Variants in GALC observed in about 807,000 individuals in gnomAD.
GALC encodes galactocerebrosidase.
Under a neutral mutation model 91.8 loss-of-function variants are expected in GALC, and 77 were observed. The observed-to-expected ratio is 0.84, with a 90% CI of 0.70 to 1.01. The LOEUF (loss-of-function observed/expected upper bound fraction) is 1.01, where lower values mean the gene tolerates loss of function less well. Among genes scored for constraint, GALC ranks in the 50% least tolerant of loss-of-function variants. GALC has a pLI of 0.00. For synonymous variants in GALC, 357 were observed against 306.7 expected (o/e 1.16, Z -1.71); for missense variants, 882 against 855.9 (o/e 1.03, Z -0.38).
chr14:87,948,317 A>T (rs1885159353), intron 12 of GALC, among the ~76,000 whole-genome samples: 1 of 152,186 alleles, frequency 6.6e-6, no homozygotes, highest in East Asian at 1.9e-4. Flanking sequence ...TACAATTAAG[A>T]GAGAAAAATC....
chr14:87,950,800 G>A, intron 10 of GALC, 52 bp from the exon 11 acceptor site: 1 of 1,282,338 alleles, frequency 7.8e-7, no homozygotes, highest in Non-Finnish European at 1.1e-6. Flanking sequence ...AGCTACCTTA[G>A]GGGAAAAAAA....
At position 87,935,432 on chromosome 14, in the gene GALC, T is replaced by C. The variant is rs563891649; in HGVS notation, c.1912-554A>G. Among the ~76,000 whole-genome samples the C allele has an allele frequency of 3.3e-5, 5 of 152,210 alleles. No individual in the cohort carries two copies. In the South Asian group the frequency reaches 1.0e-3, roughly 32 times the overall value. On this transcript the variant is annotated intron_variant, in intron 16 of 16. Coordinates refer to ENST00000261304, the MANE Select transcript of GALC (RefSeq NM_000153.4). Reference sequence around the variant, plus strand: ...TCACTTCAAAGCCATATGAAGCTCCTACCCTTAAGTTGGAAAAACAGTAAC... The same window carrying C: ...TCACTTCAAAGCCATATGAAGCTCCCACCCTTAAGTTGGAAAAACAGTAAC...
chr14:87,970,560 A>G (rs1303226210), intron 7 of GALC, among the ~76,000 whole-genome samples: 2 of 152,116 alleles, frequency 1.3e-5, no homozygotes, highest in Non-Finnish European at 2.9e-5. Flanking sequence ...TTCTTAATGT[A>G]TAGATTTATT....
Position 87,949,901 on chromosome 14 carries a change from T to A in GALC, c.1282A>T (p.Thr428Ser). 6.3e-7 allele frequency: 1 copy of A among 1,593,378 alleles called. No homozygotes were observed. Among genetic ancestry groups the A allele is most frequent in the Non-Finnish European group, 8.6e-7 (1 of 1,161,874 alleles). ...CTTTCGGATGTTTTTCCAAGTTTGG[T>A]ATACCATACCTGTAGCTCTGGTATT... ...SEIPELQVWYTKLGKTSERFL... is the reference protein window; with the variant it reads ...SEIPELQVWYSKLGKTSERFL... The change falls in exon 12 of 17, where the codon ACC becomes TCC. Residue 428 changes from threonine to serine, a missense_variant. Thr to Ser is a moderately conservative substitution (Grantham distance 58). Transcript: ENST00000261304.
intron 14 of GALC, among the ~76,000 whole-genome samples, chr14:87,944,803 T>G (rs1246559336): frequency 1.3e-5 from 2 of 151,986 alleles, no homozygotes; most frequent in Non-Finnish European, 1.5e-5. Flanking sequence ...CTCTTCCCTC[T>G]CCAGTTTCCA....
intron 10 of GALC, among the ~76,000 whole-genome samples, chr14:87,958,206 C>G (rs981420882): frequency 1.3e-5 from 2 of 151,980 alleles, no homozygotes; most frequent in Non-Finnish European, 2.9e-5. Flanking sequence ...TCGCAGCACG[C>G]AGTGTTGTGA....
intron 7 of GALC, 140 bp from the exon 8 acceptor site, chr14:87,968,630 A>G (rs1886155900): frequency 1.2e-6 from 1 of 802,394 alleles, no homozygotes; most frequent in Non-Finnish European, 2.1e-6. Flanking sequence ...TTCCAGGTAG[A>G]TAATGAATCT....
intron 14 of GALC, 134 bp from the exon 15 acceptor site, chr14:87,941,692 T>C (rs1595190274): frequency 2.8e-6 from 2 of 704,198 alleles, no homozygotes; most frequent in Non-Finnish European, 5.1e-6. Context: ...TCTAAGCCTG[T>C]AGCAGAGATG....
chr14:87,988,220 G>A lies in GALC; in HGVS notation c.265-13C>T. 1 of 1,609,316 alleles carries A rather than the reference G, an allele frequency of 6.2e-7. No individual in the cohort carries two copies. Among genetic ancestry groups the A allele is most frequent in the East Asian group, 2.2e-5 (1 of 44,810 alleles). On this transcript the variant is annotated splice_polypyrimidine_tract_variant and intron_variant, in intron 2 of 16. Transcript: ENST00000261304. ...CACCAAAATTCGGCTGTGAAAAGAAGTAACAGTATTAACATAGTGTTGTAT... is the reference window on the plus strand; with the variant it reads ...CACCAAAATTCGGCTGTGAAAAGAAATAACAGTATTAACATAGTGTTGTAT...
At chr14:87,963,799 C>A (rs181479389) in intron 9 of GALC, among the ~76,000 whole-genome samples, 3 of 152,046 alleles carry the variant, frequency 2.0e-5, no homozygotes, top group South Asian at 2.1e-4. Flanking sequence ...TTATTCCCCC[C>A]CCAAACTTGG....
At chr14:87,938,791 T>C (rs1009608830) in intron 16 of GALC, among the ~76,000 whole-genome samples, 2 of 151,866 alleles carry the variant, frequency 1.3e-5, no homozygotes, top group African/African-American at 4.8e-5. Flanking sequence ...AGTGAAATAT[T>C]TGACAGTATC....
intron 9 of GALC, 73 bp downstream of exon 9, chr14:87,965,432 T>C: frequency 1.3e-6 from 2 of 1,495,862 alleles, no homozygotes; most frequent in Non-Finnish European, 9.3e-7. Context: ...GTTTATATAA[T>C]CTTCTCTAAG....
intron 10 of GALC, chr14:87,963,176 A>T (rs1304530974): frequency 3.8e-6 from 2 of 529,878 alleles, no homozygotes; most frequent in Non-Finnish European, 6.8e-6. Context: ...TGGAGAAAAG[A>T]TGAGAGCCAA....
At chr14:87,992,256 C>G in intron 1 of GALC, 1 of 1,526,316 alleles carries the variant, frequency 6.6e-7, no homozygotes, top group Non-Finnish European at 8.8e-7. Flanking sequence ...AAACATTAGC[C>G]CTAGATGTAA....
intron 12 of GALC, among the ~76,000 whole-genome samples, 180 bp downstream of exon 12, chr14:87,949,665 C>A (rs898059410): frequency 2.6e-5 from 4 of 151,928 alleles, no homozygotes; most frequent in African/African-American, 9.7e-5. Flanking sequence ...AAATTTCCAA[C>A]CTGGGAAGCC....
intron 9 of GALC, 48 bp from the exon 10 acceptor site, chr14:87,963,559 G>T (rs2139992349): frequency 6.6e-7 from 1 of 1,507,196 alleles, no homozygotes; most frequent in Non-Finnish European, 9.1e-7. Flanking sequence ...GGTAATAATA[G>T]TATTTCTTTT....
intron 16 of GALC, among the ~76,000 whole-genome samples, chr14:87,938,108 C>T (rs371033673): frequency 1.3e-5 from 2 of 152,076 alleles, no homozygotes; most frequent in South Asian, 4.1e-4. Flanking sequence ...GATATCCATT[C>T]ATTCATTTAC....
In GALC at chr14:87,934,728, A is replaced by G; in HGVS notation, c.*4T>C. The G allele has an allele frequency of 6.2e-7, 1 of 1,613,176 alleles. No homozygotes were observed. Among genetic ancestry groups the G allele is most frequent in the Non-Finnish European group, 8.5e-7 (1 of 1,179,396 alleles). ...CAGAGTATTCTATGATGCCCTGTTA[A>G]GTATTAGCGTGTGGCTTCCACAAGA... On this transcript the variant is annotated 3_prime_UTR_variant, in exon 17 of 17. Coordinates refer to ENST00000261304, the MANE Select transcript of GALC (RefSeq NM_000153.4).
rs763851570 is a variant in GALC, at chr14:87,993,096, C to G, written c.69G>C (p.Ser23=). 6.3e-7 allele frequency: 1 copy of G among 1,586,568 alleles called. No homozygotes were observed. The highest frequency in any genetic ancestry group is 8.6e-7 in the Non-Finnish European group (1 of 1,167,212). ...RAKAMTAAAG[S]AGRAAVPLLL... ...GCAAGGGCACCGCGGCGCGGCCCGC[C>G]GAACCCGCGGCCGCAGTCATAGCTT... Residue 23 remains serine, a synonymous_variant, in exon 1 of 17, where the codon TCG becomes TCC. Coordinates refer to ENST00000261304, the MANE Select transcript of GALC (RefSeq NM_000153.4).
Sources: allele counts gnomAD v4.1 joint callset (sites outside exome capture counted in the v4.1 genomes callset), GRCh38; gene constraint gnomAD v4.1.1; transcripts MANE v1.5; gene names NCBI Gene and HGNC (gene_info 2026-07-23, HGNC 2026-07-21).